The following MYOCD variants were observed in gnomAD, a reference collection of about 807,000 sequenced individuals.
MYOCD encodes the protein myocardin.
MYOCD carries 32 observed loss-of-function variants against 96.1 expected under a neutral mutation model. That is an observed-to-expected ratio of 0.33 (90% confidence interval 0.25 to 0.45). MYOCD has a LOEUF of 0.45. MYOCD is among the 20% of genes least tolerant of loss of function. The pLI is 1.00. For missense variants in MYOCD, 1,133 were observed against 1,200.6 expected, an observed-to-expected ratio of 0.94 and a Z score of 0.83; for synonymous variants, 469 against 469.0, an observed-to-expected ratio of 1.00 and a Z score of 0.00.
intron 5 of MYOCD, among the ~76,000 whole-genome samples, chr17:12,730,916 G>A (rs546940190): frequency 1.8e-4 from 27 of 152,272 alleles, no homozygotes; most frequent in African/African-American, 6.3e-4. Context: ...TTTAATCTTG[G>A]CATTTTAAAT....
At chr17:12,686,547 G>A (rs1342953226) in intron 1 of MYOCD, among the ~76,000 whole-genome samples, 1 of 152,178 alleles carries the variant, frequency 6.6e-6, no homozygotes, top group Non-Finnish European at 1.5e-5. Context: ...GCATCTAACT[G>A]TACAACACTC....
chr17:12,684,174 C>G (rs2029965583), intron 1 of MYOCD, among the ~76,000 whole-genome samples: 1 of 151,962 alleles, frequency 6.6e-6, no homozygotes, highest in Non-Finnish European at 1.5e-5. Context: ...CCACTTGTTT[C>G]TCAAATTTGC....
intron 13 of MYOCD, 83 bp downstream of exon 13, chr17:12,760,790 A>G (rs1165308249): frequency 1.8e-6 from 2 of 1,128,378 alleles, no homozygotes; most frequent in Admixed American, 3.7e-5. Flanking sequence ...CCAAGATCAG[A>G]TGCACACTGT....
At position 12,756,606 on chromosome 17, in the gene MYOCD, T is replaced by C. The variant is rs1022258968; in HGVS notation, c.2202+49T>C. On this transcript the variant is annotated intron_variant, in intron 11 of 13. Coordinates refer to ENST00000425538, the MANE Select transcript of MYOCD (RefSeq NM_001146312.3). Reference sequence around the variant, plus strand: ...AACCTGGGATTCACTTTGCCTCTTCTCTCTTCTGTAACCCGGGAGGCAGAA... The same window carrying C: ...AACCTGGGATTCACTTTGCCTCTTCCCTCTTCTGTAACCCGGGAGGCAGAA... The C allele has an allele frequency of 1.5e-5, 23 of 1,486,500 alleles. No homozygotes were observed. In the East Asian group the frequency reaches 6.2e-4, roughly 40 times the overall value. 92.1% of individuals were successfully genotyped at this position (1,486,500 alleles called of 1,614,324 possible). A position where few individuals can be genotyped will look rare whatever the true frequency, so the allele number is the denominator to read the frequency against.
At chr17:12,739,154 C>T (rs1305403765) in intron 6 of MYOCD, 49 bp from the exon 7 acceptor site, 5 of 1,559,608 alleles carry the variant, frequency 3.2e-6, no homozygotes, top group Non-Finnish European at 3.5e-6. Flanking sequence ...TTCTGTGTCA[C>T]ACAACTTATT....
chr17:12,677,889 C>CTTTT (rs869277663), intron 1 of MYOCD, among the ~76,000 whole-genome samples: 1 of 143,770 alleles, frequency 7.0e-6, no homozygotes, highest in Non-Finnish European at 1.5e-5. Context: ...ATTTCTCTTT[C>CTTTT]TTTTTTGTTT....
At chr17:12,671,631 T>G (rs1356213811) in intron 1 of MYOCD, among the ~76,000 whole-genome samples, 1 of 152,194 alleles carries the variant, frequency 6.6e-6, no homozygotes, top group African/African-American at 2.4e-5. Flanking sequence ...ACATATAAAT[T>G]CTTTAAGACC....
chr17:12,734,502 TC>T (rs2032279540), intron 5 of MYOCD, among the ~76,000 whole-genome samples: 1 of 129,860 alleles, frequency 7.7e-6, no homozygotes, highest in Non-Finnish European at 1.6e-5. Context: ...ATACACATGA[TC>T]CTTTTTTTTT....
chr17:12,693,027 G>A (rs1046996050), intron 1 of MYOCD, among the ~76,000 whole-genome samples: 4 of 152,050 alleles, frequency 2.6e-5, no homozygotes, highest in African/African-American at 9.7e-5. Context: ...TTCCAGCCCC[G>A]AGCTACAAGC....
At chr17:12,720,081 T>A (rs958211436) in intron 4 of MYOCD, among the ~76,000 whole-genome samples, 2 of 151,974 alleles carry the variant, frequency 1.3e-5, no homozygotes, top group African/African-American at 4.8e-5. Context: ...GCTCTTTTCC[T>A]TGTCACCACG....
intron 1 of MYOCD, among the ~76,000 whole-genome samples, chr17:12,695,650 C>T (rs927862964): frequency 1.1e-4 from 17 of 152,034 alleles, no homozygotes; most frequent in African/African-American, 3.1e-4. Context: ...TTTTACTTTG[C>T]GATTAGTGTT....
intron 2 of MYOCD, among the ~76,000 whole-genome samples, chr17:12,707,530 C>G (rs2031333585): frequency 6.6e-6 from 1 of 151,776 alleles, no homozygotes; most frequent in South Asian, 2.1e-4. Context: ...ACGGAGAAAA[C>G]CCGTCTCTAC....
intron 1 of MYOCD, among the ~76,000 whole-genome samples, chr17:12,679,570 A>G (rs1480524198): frequency 6.6e-6 from 1 of 152,236 alleles, no homozygotes; most frequent in East Asian, 1.9e-4. Context: ...ATGTATATGC[A>G]TATGTTTGTA....
At chr17:12,717,716 C>T (rs960170890) in intron 4 of MYOCD, among the ~76,000 whole-genome samples, 5 of 152,222 alleles carry the variant, frequency 3.3e-5, no homozygotes, top group African/African-American at 1.2e-4. Flanking sequence ...ACACGTCCAA[C>T]ATGTGCTGAC....
At chr17:12,679,695 A>C (rs141940548) in intron 1 of MYOCD, among the ~76,000 whole-genome samples, 126 of 152,336 alleles carry the variant, frequency 8.3e-4, no homozygotes, top group African/African-American at 2.9e-3. Context: ...GTTGGTTAAC[A>C]AAAAGAAAAT....
At chr17:12,668,111 C>T (rs1016604819) in intron 1 of MYOCD, among the ~76,000 whole-genome samples, 1 of 152,178 alleles carries the variant, frequency 6.6e-6, no homozygotes, top group Non-Finnish European at 1.5e-5. Flanking sequence ...ATGGCTGTGC[C>T]AGCACTGAGG....
chr17:12,684,599 C>T (rs1332809215), intron 1 of MYOCD, among the ~76,000 whole-genome samples: 2 of 152,140 alleles, frequency 1.3e-5, no homozygotes, highest in Non-Finnish European at 2.9e-5. Flanking sequence ...GTAATCCCAG[C>T]ACTTTGGGAG....
intron 1 of MYOCD, among the ~76,000 whole-genome samples, chr17:12,685,327 G>GGGC (rs2030050895): frequency 6.7e-6 from 1 of 149,454 alleles, no homozygotes; most frequent in Non-Finnish European, 1.5e-5. Flanking sequence ...CAGAGGGGCT[G>GGGC]GGCACAGTGG....
At chr17:12,731,190 C>T (rs2032160792) in intron 5 of MYOCD, among the ~76,000 whole-genome samples, 1 of 152,176 alleles carries the variant, frequency 6.6e-6, no homozygotes, top group Admixed American at 6.5e-5. Flanking sequence ...GAGCGGAGGC[C>T]CAGGGTCACA....
Sources: gnomAD v4.1 joint callset for allele counts (sites outside exome capture counted in the v4.1 genomes callset) on GRCh38, gnomAD v4.1.1 for gene constraint, MANE v1.5 for transcripts, NCBI Gene and HGNC (gene_info 2026-07-23, HGNC 2026-07-21) for gene names.